GBF1: variants seen among roughly 807,000 people sequenced by gnomAD.
GBF1 encodes golgi brefeldin A resistant guanine nucleotide exchange factor 1, also known as Golgi-specific brefeldin A-resistance guanine nucleotide exchange factor 1.
Under a neutral mutation model 210.5 loss-of-function variants are expected in GBF1, and 114 were observed. The ratio of observed to expected loss-of-function variants is 0.54; its 90% CI spans 0.47 to 0.63. The LOEUF (loss-of-function observed/expected upper bound fraction) is 0.63, where lower values mean the gene tolerates loss of function less well. Ranked by LOEUF, GBF1 falls within the 30% of genes least tolerant of loss-of-function variation. The pLI is 0.00. For missense variants in GBF1, 1,851 were observed against 2,357.7 expected, an observed-to-expected ratio of 0.79 and a Z score of 4.45; for synonymous variants, 850 against 889.2, an observed-to-expected ratio of 0.96 and a Z score of 0.78.
At chr10:102,237,147 C>G in the GBF1 span, among the ~76,000 whole-genome samples, 1 of 152,140 alleles carries the variant, frequency 6.6e-6, no homozygotes, top group East Asian at 1.9e-4. Flanking sequence ...AGGCAGAGAC[C>G]CTATCTTGTA....
chr10:102,236,951 A>G, the GBF1 span, among the ~76,000 whole-genome samples: 1 of 152,224 alleles, frequency 6.6e-6, no homozygotes, highest in Admixed American at 6.5e-5. Flanking sequence ...CCCAGACTCT[A>G]TGGTTTGCTG....
chr10:102,344,701 C>T (rs887268102), intron 4 of GBF1, among the ~76,000 whole-genome samples: 3 of 151,946 alleles, frequency 2.0e-5, no homozygotes, highest in Admixed American at 6.6e-5. Flanking sequence ...AGGATGGTTT[C>T]GATCTCCTGA....
intron 30 of GBF1, 45 bp downstream of exon 30, chr10:102,375,629 AC>A: frequency 8.0e-7 from 1 of 1,249,360 alleles, no homozygotes; most frequent in Non-Finnish European, 1.2e-6. Flanking sequence ...ATAAACAGTT[AC>A]ACCCCAGGAG....
intron 3 of GBF1, among the ~76,000 whole-genome samples, chr10:102,312,349 G>A (rs931301813): frequency 2.0e-5 from 3 of 151,804 alleles, no homozygotes; most frequent in African/African-American, 7.3e-5. Flanking sequence ...CTACTCTGCT[G>A]TGGGGTTGAG....
chr10:102,361,224 A>T, intron 13 of GBF1, 104 bp downstream of exon 13: 1 of 747,864 alleles, frequency 1.3e-6, no homozygotes, highest in South Asian at 1.4e-5. Context: ...GGATTTAGGG[A>T]CTTCCTATAG....
Position 102,363,740 on chromosome 10 carries a change from G to A in GBF1, c.2048G>A (p.Arg683Gln), listed in dbSNP as rs1038693067. 6 of 1,613,398 alleles carry A rather than the reference G, an allele frequency of 3.7e-6. No homozygotes were observed. Among genetic ancestry groups the A allele is most frequent in the African/African-American group, 1.3e-5 (1 of 74,960 alleles). The change falls in exon 17 of 40, where the codon CGA (arginine) becomes CAA (glutamine). Residue 683 changes from arginine (R) to glutamine (Q), a missense_variant. Physicochemically the swap from Arg to Gln is conservative, Grantham distance 43. Coordinates refer to ENST00000369983, the MANE Select transcript of GBF1 (RefSeq NM_001377137.1). This position sits in a 1 kb window ranked among gnomAD's most constrained non-coding sequence, Gnocchi z 4.2. Reference protein sequence around the residue: ...ADKKFARKPPRFSCLLPDPRE... With the variant: ...ADKKFARKPPQFSCLLPDPRE... ...AAAAAGTTTGCCCGGAAGCCACCCC[G>A]ATTTTCCTGTCTCCTGCCAGATCCA...
At chr10:102,271,031 T>TA (rs1554946879) in intron 3 of GBF1, among the ~76,000 whole-genome samples, 2 of 149,726 alleles carry the variant, frequency 1.3e-5, no homozygotes, top group African/African-American at 4.9e-5. Context: ...TTTATTTTAT[T>TA]TTATTATTAT....
chr10:102,376,029 A>G lies in GBF1; in HGVS notation c.3887-243A>G, dbSNP rs561927689. Reference sequence around the variant, plus strand: ...GCATTGCTTATTTGTCCTTGCCACCACTCCCTAGAGTGGTGCTACAGCTGC... The same window carrying G: ...GCATTGCTTATTTGTCCTTGCCACCGCTCCCTAGAGTGGTGCTACAGCTGC... On this transcript the variant is annotated intron_variant, in intron 30 of 39. Transcript: ENST00000369983. Among the ~76,000 whole-genome samples, 71 of 151,498 alleles carry G rather than the reference A, an allele frequency of 4.7e-4. 1 individual carries two copies. In the South Asian group the frequency reaches 0.013, roughly 29 times the overall value.
rs769397523 is a variant in GBF1 at position 102,382,332 on chromosome 10, A to G, written c.5579A>G (p.Asn1860Ser). The change falls in exon 40 of 40, where the codon AAC becomes AGC. Residue 1860 changes from asparagine to serine, a missense_variant. By Grantham distance (46) the Asn-to-Ser change is conservative (BLOSUM62 1). Coordinates refer to ENST00000369983, the MANE Select transcript of GBF1 (RefSeq NM_001377137.1). ...GATCCCATACCCACCTCTGAGGTCA[A>G]CTAAGGCAGGTCACTCAGAGATCAG... ...PTDPIPTSEV[N>S] 9.3e-6 allele frequency: 15 copies of G among 1,605,036 alleles called. No individual in the cohort carries two copies. The South Asian group carries it at 1.7e-4, about 18-fold the overall frequency.
chr10:102,245,110 C>T (rs796588955), upstream of GBF1, among the ~76,000 whole-genome samples: 16 of 152,266 alleles, frequency 1.1e-4, no homozygotes, highest in African/African-American at 3.6e-4. Context: ...GGTCTTGGCC[C>T]AGGTAACTTT....
At chr10:102,284,129 C>T (rs1354831271) in intron 3 of GBF1, among the ~76,000 whole-genome samples, 3 of 152,122 alleles carry the variant, frequency 2.0e-5, no homozygotes, top group Non-Finnish European at 4.4e-5. Flanking sequence ...ATAGAGGAGA[C>T]ACGACAGGCT....
At chr10:102,261,738 C>T (rs1015575517) in intron 3 of GBF1, among the ~76,000 whole-genome samples, 1 of 151,362 alleles carries the variant, frequency 6.6e-6, no homozygotes, top group South Asian at 2.1e-4. Context: ...TTTCGTGCCT[C>T]AGCCTCCCAA....
intron 8 of GBF1, among the ~76,000 whole-genome samples, chr10:102,357,302 C>G (rs1258597882): frequency 6.6e-6 from 1 of 152,012 alleles, no homozygotes; most frequent in Non-Finnish European, 1.5e-5. Context: ...GCCTGGCCAA[C>G]ATAGTGAAAC....
the GBF1 span, among the ~76,000 whole-genome samples, chr10:102,237,483 G>A: frequency 2.6e-5 from 4 of 152,104 alleles, no homozygotes; most frequent in African/African-American, 7.2e-5. Context: ...CTCCAATGGG[G>A]GACAAGGGGC....
chr10:102,379,739 C>T (rs2060724227), intron 35 of GBF1, 88 bp downstream of exon 35: 1 of 1,502,108 alleles, frequency 6.7e-7, no homozygotes, highest in East Asian at 2.3e-5. Flanking sequence ...TGTGAGTCTT[C>T]AGCCTGCATC....
chr10:102,364,217 CT>C (rs1031275118), intron 17 of GBF1, among the ~76,000 whole-genome samples: 259 of 66,940 alleles, frequency 3.9e-3, no homozygotes, highest in African/African-American at 6.9e-3. Flanking sequence ...CTTTGGATTT[CT>C]TTTTTTTTTT....
upstream of GBF1, among the ~76,000 whole-genome samples, chr10:102,241,626 C>G (rs2070541080): frequency 6.6e-6 from 1 of 152,256 alleles, no homozygotes; most frequent in South Asian, 2.1e-4. This position sits in a 1 kb window ranked among gnomAD's most constrained non-coding sequence, Gnocchi z 6.7. Flanking sequence ...GGGGCTCCGC[C>G]CTTTCCAGCT....
At chr10:102,266,054 G>C (rs1238417583) in intron 3 of GBF1, among the ~76,000 whole-genome samples, 3 of 152,082 alleles carry the variant, frequency 2.0e-5, no homozygotes, top group Non-Finnish European at 4.4e-5. Context: ...TGGCGAACAC[G>C]GTGAAACCCC....
rs534209075 is a variant in GBF1, at chr10:102,343,934, G to A, written c.164-117G>A. The A allele has an allele frequency of 4.2e-4, 302 of 717,360 alleles. 3 individuals are homozygous for A. The South Asian group carries it at 5.2e-3, about 12-fold the overall frequency. The allele number at this position is 717,360 out of a possible 1,614,324, so 44.4% of individuals were successfully genotyped here. On this transcript the variant is annotated intron_variant, in intron 3 of 39. Coordinates refer to ENST00000369983, the MANE Select transcript of GBF1 (RefSeq NM_001377137.1). Reference sequence around the variant, plus strand: ...GATTTGATTCAAGGTAATCCAGAGGGAAGAAGATTGACCCAACAACAAAGA... The same window carrying A: ...GATTTGATTCAAGGTAATCCAGAGGAAAGAAGATTGACCCAACAACAAAGA...
Sources: allele counts gnomAD v4.1 joint callset (sites outside exome capture counted in the v4.1 genomes callset), GRCh38; gene constraint gnomAD v4.1.1; non-coding constraint Gnocchi (gnomAD v3.1); transcripts MANE v1.5; gene names NCBI Gene and HGNC (gene_info 2026-07-23, HGNC 2026-07-21).